FILIP1: variants seen among roughly 807,000 people sequenced by gnomAD.
FILIP1 encodes filamin A interacting protein 1.
In FILIP1, 61 loss-of-function variants were observed where a neutral mutation model predicts 102.1. The observed-to-expected ratio is 0.60, with a 90% CI of 0.49 to 0.74. The LOEUF (loss-of-function observed/expected upper bound fraction) is 0.74. FILIP1 is among the 30% of genes least tolerant of loss of function. The pLI, the probability that FILIP1 is intolerant of heterozygous loss-of-function variation, is 0.00. For synonymous variants in FILIP1, 491 were observed against 526.9 expected (o/e 0.93, Z 0.93); for missense variants, 1,314 against 1,441.2 (o/e 0.91, Z 1.43).
Position 75,353,631 on chromosome 6 carries a change from G to T in FILIP1, c.537C>A (p.Thr179=). ...GCTTCTCGTTCTCTAACTCGTATAC[G>T]GTGCGCCTATGACACTTCTCGGCCA... The part of the protein sequence containing the change: ...LLLAEKCHRR[T]VYELENEKHK... The change falls in exon 4 of 6, where the codon ACC becomes ACA. Residue 179 remains threonine, a synonymous_variant. Transcript: ENST00000237172. The T allele has an allele frequency of 1.9e-6, 3 of 1,614,150 alleles. No individual in the cohort carries two copies. Among genetic ancestry groups the T allele is most frequent in the Non-Finnish European group, 2.5e-6 (3 of 1,180,022 alleles).
chr6:75,473,146 C>T (rs1174828731), intron 1 of FILIP1, among the ~76,000 whole-genome samples: 2 of 152,094 alleles, frequency 1.3e-5, no homozygotes, highest in Admixed American at 1.3e-4. Flanking sequence ...TCATATGTTG[C>T]TTTTTGACTT....
At chr6:75,353,055 G>A (rs956160673) in intron 4 of FILIP1, among the ~76,000 whole-genome samples, 10 of 147,952 alleles carry the variant, frequency 6.8e-5, no homozygotes, top group Non-Finnish European at 4.5e-5. Context: ...GGGGCCTGTC[G>A]TGGGGTCAGG....
intron 6 of FILIP1, among the ~76,000 whole-genome samples, chr6:75,301,843 G>C (rs1173863935): frequency 6.6e-6 from 1 of 152,128 alleles, no homozygotes; most frequent in Non-Finnish European, 1.5e-5. Context: ...CAGGTATCAA[G>C]TCCATTTTTC....
Position 75,313,247 on chromosome 6 carries a change from T to C in FILIP1, c.2585A>G (p.Glu862Gly), listed in dbSNP as rs1582322328. 1 of 1,614,210 alleles carries C rather than the reference T, an allele frequency of 6.2e-7. No homozygotes were observed. The highest frequency in any genetic ancestry group is 1.7e-4 in the Middle Eastern group (1 of 6,060). Residue 862 changes from glutamate to glycine, a missense_variant, in exon 5 of 6, where the codon GAG becomes GGG. Physicochemically the swap from Glu to Gly is moderately conservative, Grantham distance 98 (BLOSUM62 -2). Transcript: ENST00000237172. This position sits in a 1 kb window ranked among gnomAD's most constrained non-coding sequence, Gnocchi z 4.2. ...VLDRYPPAAN[E>G]LTMRKSWIPW... ...AATCCAAGACTTTCTCATAGTGAGC[T>C]CATTTGCTGCTGGAGGATACCTGTC...
chr6:75,309,784 C>A (rs1773116551), intron 5 of FILIP1, among the ~76,000 whole-genome samples: 1 of 152,208 alleles, frequency 6.6e-6, no homozygotes, highest in South Asian at 2.1e-4. Context: ...CCTCTCTACT[C>A]AATTTGTCAT....
Position 75,308,898 on chromosome 6 carries a change from CT to C in FILIP1, c.3436-2del. 1 of 1,613,860 alleles carries C rather than the reference CT, an allele frequency of 6.2e-7. No individual in the cohort carries two copies. Among genetic ancestry groups the C allele is most frequent in the Non-Finnish European group, 8.5e-7 (1 of 1,179,870 alleles). ...GCTGGGATGACCCGTCTTGTCCTGA[CT>C]GTAAGAGAGAAAATACGTAGATACA... On this transcript the variant is annotated splice_acceptor_variant, in intron 5 of 5. Coordinates refer to ENST00000237172, the MANE Select transcript of FILIP1 (RefSeq NM_015687.5). LOFTEE classifies it high-confidence loss of function.
intron 1 of FILIP1, among the ~76,000 whole-genome samples, chr6:75,459,123 G>T (rs1778937085): frequency 1.3e-5 from 2 of 152,142 alleles, no homozygotes; most frequent in African/African-American, 4.8e-5. Flanking sequence ...AGCCAGCCAA[G>T]ATAATCTAAT....
At chr6:75,395,235 G>T (rs943072430) in intron 2 of FILIP1, among the ~76,000 whole-genome samples, 12 of 152,084 alleles carry the variant, frequency 7.9e-5, no homozygotes, top group African/African-American at 2.7e-4. Flanking sequence ...AACCATATGT[G>T]TGAATTAACC....
intron 2 of FILIP1, among the ~76,000 whole-genome samples, chr6:75,394,856 C>T (rs1269658849): frequency 6.6e-6 from 1 of 152,104 alleles, no homozygotes; most frequent in Non-Finnish European, 1.5e-5. Context: ...CAAAATCTAT[C>T]GCAAATTTAT....
At chr6:75,473,949 A>G (rs1393366099) in intron 1 of FILIP1, 1 of 152,200 alleles carries the variant, frequency 6.6e-6, no homozygotes, top group Non-Finnish European at 1.5e-5. Flanking sequence ...TATGACCTCT[A>G]GAGAATATCT....
chr6:75,415,623 G>A (rs975461891), intron 1 of FILIP1, among the ~76,000 whole-genome samples: 1 of 151,018 alleles, frequency 6.6e-6, no homozygotes, highest in Non-Finnish European at 1.5e-5. Flanking sequence ...GGAGGGTGGT[G>A]TCATTTTTAG....
intron 2 of FILIP1, among the ~76,000 whole-genome samples, chr6:75,381,209 TG>T (rs1452266995): frequency 1.6e-4 from 24 of 151,974 alleles, no homozygotes; most frequent in Non-Finnish European, 2.6e-4. Flanking sequence ...TATATCAGAC[TG>T]GTTTTACTTT....
chr6:75,319,041 GTCATCTTCT>G lies in FILIP1; in HGVS notation c.630-3848_630-3840del, dbSNP rs971977913. Reference sequence around the variant, plus strand: ...TGCTAGAACCAACTTATTCATCATCGTCATCTTCTTCATCTTCATCTTCTTCACCTTCTT... The same window carrying G: ...TGCTAGAACCAACTTATTCATCATCGTCATCTTCATCTTCTTCACCTTCTT... On this transcript the variant is annotated intron_variant, in intron 4 of 5. Transcript: ENST00000237172. The G allele has an allele frequency of 4.4e-6, 3 of 677,236 alleles. No individual in the cohort carries two copies. In the African/African-American group the frequency reaches 5.5e-5, roughly 12 times the overall value. The allele number at this position is 677,236 out of a possible 1,614,324, so 42.0% of individuals were successfully genotyped here. A position where few individuals can be genotyped will look rare whatever the true frequency, so the allele number is the denominator to read the frequency against.
At chr6:75,430,193 G>A (rs1777780495) in intron 1 of FILIP1, among the ~76,000 whole-genome samples, 1 of 152,144 alleles carries the variant, frequency 6.6e-6, no homozygotes, top group Non-Finnish European at 1.5e-5. Context: ...TGTAAGACGT[G>A]CCTGCTTCCT....
intron 2 of FILIP1, among the ~76,000 whole-genome samples, chr6:75,396,608 T>C (rs1331900966): frequency 6.6e-6 from 1 of 152,110 alleles, no homozygotes. Context: ...CTCTCTGCTG[T>C]AGGTAGACAA....
At chr6:75,409,539 T>C (rs1776983830) in intron 2 of FILIP1, among the ~76,000 whole-genome samples, 1 of 151,950 alleles carries the variant, frequency 6.6e-6, no homozygotes, top group Admixed American at 6.6e-5. Flanking sequence ...ATGATAATAA[T>C]CCCTCCTAAA....
chr6:75,423,640 C>T (rs1488771318), intron 1 of FILIP1, among the ~76,000 whole-genome samples: 1 of 152,134 alleles, frequency 6.6e-6, no homozygotes, highest in Non-Finnish European at 1.5e-5. Context: ...AGAAAGGGCC[C>T]AGTTATTCAC....
rs1410008010 is a variant in FILIP1, at chr6:75,314,814, G to A, written c.1018C>T (p.Gln340Ter). Residue 340 changes from glutamine (Q) to a stop codon, truncating the protein, a stop_gained, in exon 5 of 6, where the codon CAA becomes TAA. Transcript: ENST00000237172. LOFTEE classifies it high-confidence loss of function. Reference sequence around the variant, plus strand: ...GTCTCTTCTAGCTCCTCGATTCTTTGGGTTAAGCCAACCAGCTTGAGTCTA... The same window carrying A: ...GTCTCTTCTAGCTCCTCGATTCTTTAGGTTAAGCCAACCAGCTTGAGTCTA... ...QLRLKLVGLT[Q>*]RIEELEETNK... is the part of the protein sequence containing the mutation. 1 of 1,613,758 alleles carries A rather than the reference G, an allele frequency of 6.2e-7. No individual in the cohort carries two copies. Among genetic ancestry groups the A allele is most frequent in the Non-Finnish European group, 8.5e-7 (1 of 1,179,998 alleles).
exon 7 of FILIP1, chr6:75,295,667 GC>G (rs1772648915): frequency 2.9e-6 from 1 of 339,950 alleles, no homozygotes; most frequent in African/African-American, 2.1e-5. Context: ...AGACCTGAAA[GC>G]TTTGCAAAAA....
Sources: allele counts gnomAD v4.1 joint callset (sites outside exome capture counted in the v4.1 genomes callset), GRCh38; gene constraint gnomAD v4.1.1; non-coding constraint Gnocchi (gnomAD v3.1); transcripts MANE v1.5; gene names NCBI Gene and HGNC (gene_info 2026-07-23, HGNC 2026-07-21).